Variants in ANKRD44 observed in about 807,000 individuals in gnomAD.
ANKRD44 encodes serine/threonine-protein phosphatase 6 regulatory ankyrin repeat subunit B.
ANKRD44 carries 35 observed loss-of-function variants against 116.0 expected under a neutral mutation model. The ratio of observed to expected loss-of-function variants is 0.30; its 90% CI spans 0.23 to 0.40. The LOEUF (loss-of-function observed/expected upper bound fraction) is 0.40. Ranked by LOEUF, ANKRD44 falls within the 10% of genes least tolerant of loss-of-function variation. The pLI is 1.00. For missense variants in ANKRD44, 1,014 were observed against 1,242.6 expected, an observed-to-expected ratio of 0.82 and a Z score of 2.77; for synonymous variants, 435 against 461.8, an observed-to-expected ratio of 0.94 and a Z score of 0.74.
intron 21 of ANKRD44, among the ~76,000 whole-genome samples, chr2:196,974,103 G>A (rs1376567159): frequency 1.3e-5 from 2 of 149,182 alleles, no homozygotes; most frequent in Admixed American, 6.6e-5. Context: ...TTTTTTTTGA[G>A]ACAGCCTCTT....
In ANKRD44 at chr2:197,285,424, G is replaced by A. The variant is rs1354991816; in HGVS notation, c.27+25154C>T. Among the ~76,000 whole-genome samples, 4 of 152,184 alleles carry A rather than the reference G, an allele frequency of 2.6e-5. No homozygotes were observed. In the East Asian group the frequency reaches 7.7e-4, roughly 29 times the overall value. ...GAGCAACTAGAGGAAACAGGTTCCA[G>A]GTGTGGGAAGCCATGGGTTAAAAGG... On this transcript the variant is annotated intron_variant, in intron 1 of 27. Coordinates refer to ENST00000282272, the MANE Select transcript of ANKRD44 (RefSeq NM_001195144.2).
chr2:197,230,105 T>A (rs1275509236), intron 1 of ANKRD44, among the ~76,000 whole-genome samples: 1 of 152,052 alleles, frequency 6.6e-6, no homozygotes, highest in Non-Finnish European at 1.5e-5. Context: ...CAACACGAGC[T>A]TTTTTCAGGG....
rs34720427 is a variant in ANKRD44, at chr2:197,147,428, T to TAA, written c.112-325_112-324dup. The stretch of plus-strand genomic sequence containing the variant: ...AGTATTTCCAAACCTTCAGGATGGT[T>TAA]AAAAAAAAAAAAAAAAAATCTAACC... On this transcript the variant is annotated intron_variant, in intron 2 of 27. Transcript: ENST00000282272. Among the ~76,000 whole-genome samples the TAA allele has an allele frequency of 2.1e-3, 295 of 142,916 alleles. 2 individuals are homozygous for TAA. Among genetic ancestry groups the TAA allele is most frequent in the African/African-American group, 6.9e-3 (266 of 38,358 alleles). The allele number at this position is 142,916 out of a possible 152,430, so 93.8% of individuals were successfully genotyped here. A position where few individuals can be genotyped will look rare whatever the true frequency, so the allele number is the denominator to read the frequency against.
At chr2:197,230,332 A>T (rs570818041) in intron 1 of ANKRD44, among the ~76,000 whole-genome samples, 2 of 152,192 alleles carry the variant, frequency 1.3e-5, no homozygotes, top group East Asian at 3.9e-4. Context: ...AACATTCAGG[A>T]ATCATTTTCT....
At chr2:197,254,331 C>A (rs2082390696) in intron 1 of ANKRD44, among the ~76,000 whole-genome samples, 1 of 152,046 alleles carries the variant, frequency 6.6e-6, no homozygotes, top group South Asian at 2.1e-4. Flanking sequence ...CTGCAGTGAG[C>A]TGAGAAAGCG....
rs189843231 is a variant in ANKRD44, at chr2:197,210,597, C to T, written c.28-23491G>A. On this transcript the variant is annotated intron_variant, in intron 1 of 27. Transcript: ENST00000282272. ...GCCTATCTGACTCTAACACCTTCTT[C>T]CAGAGATTAGGAAGGAAGCAAATTG... Among the ~76,000 whole-genome samples the T allele has an allele frequency of 3.0e-4, 45 of 152,282 alleles. 1 individual carries two copies. Among genetic ancestry groups the T allele is most frequent in the East Asian group, 2.7e-3 (14 of 5,186 alleles).
intron 9 of ANKRD44, among the ~76,000 whole-genome samples, chr2:197,100,591 T>G (rs1047669680): frequency 1.3e-5 from 2 of 152,228 alleles, no homozygotes; most frequent in Non-Finnish European, 2.9e-5. Flanking sequence ...CATGTTCAAT[T>G]TTAATTTTCC....
At chr2:197,133,241 C>T (rs1290844724) in intron 4 of ANKRD44, among the ~76,000 whole-genome samples, 1 of 152,220 alleles carries the variant, frequency 6.6e-6, no homozygotes, top group African/African-American at 2.4e-5. Flanking sequence ...TTCTGCAAGT[C>T]ACCCATGTCC....
intron 2 of ANKRD44, among the ~76,000 whole-genome samples, chr2:197,185,668 G>T (rs1434930116): frequency 4.6e-5 from 7 of 151,986 alleles, no homozygotes; most frequent in Non-Finnish European, 8.8e-5. Flanking sequence ...TTGTTTTTTT[G>T]TGTCAGGACC....
intron 24 of ANKRD44, 32 bp downstream of exon 24, chr2:196,998,875 A>C: frequency 6.2e-7 from 1 of 1,608,426 alleles, no homozygotes; most frequent in South Asian, 1.1e-5. Flanking sequence ...TTGCATGGGC[A>C]TAAGGGCAAA....
intron 1 of ANKRD44, among the ~76,000 whole-genome samples, chr2:197,234,958 A>G (rs1335617403): frequency 6.6e-6 from 1 of 152,226 alleles, no homozygotes; most frequent in East Asian, 1.9e-4. Context: ...GCTAGACTCA[A>G]TGCTAAGTCT....
At position 196,981,128 on chromosome 2, in the gene ANKRD44, C is replaced by T. The variant is rs922022634; in HGVS notation, c.2368+12455G>A. 5.3e-5 allele frequency among the ~76,000 whole-genome samples: 8 copies of T among 152,136 alleles called. No individual in the cohort carries two copies. The South Asian group carries it at 1.7e-3, about 31-fold the overall frequency. ...TTTGGGCACTCCACATCAAGATCAC[C>T]AACTCTGGGGCTACAATTCAATAAT... On this transcript the variant is annotated intron_variant, in intron 21 of 21. Transcript: ENST00000424317.
chr2:197,127,237 T>A (rs2078996841), intron 4 of ANKRD44, among the ~76,000 whole-genome samples: 1 of 152,214 alleles, frequency 6.6e-6, no homozygotes, highest in Non-Finnish European at 1.5e-5. Flanking sequence ...CAGTCAAGCA[T>A]CCTGACATAA....
At chr2:197,258,450 A>T (rs187757508) in intron 1 of ANKRD44, among the ~76,000 whole-genome samples, 168 of 152,006 alleles carry the variant, frequency 1.1e-3, no homozygotes, top group Non-Finnish European at 1.1e-3. Context: ...AGGCTGAATA[A>T]TATTCACATA....
chr2:196,988,354 T>G lies in ANKRD44; in HGVS notation c.*1237A>C, dbSNP rs763217605. 9 of 985,448 alleles carry G rather than the reference T, an allele frequency of 9.1e-6. No individual in the cohort carries two copies. The highest frequency in any genetic ancestry group is 1.1e-5 in the Non-Finnish European group (9 of 829,924). 61.0% of individuals were successfully genotyped at this position (985,448 alleles called of 1,614,324 possible). A position where few individuals can be genotyped will look rare whatever the true frequency, so the allele number is the denominator to read the frequency against. On this transcript the variant is annotated 3_prime_UTR_variant, in exon 28 of 28. Transcript: ENST00000282272. ...AAGGTCATTATTGCTCATTAGCAAT[T>G]TATCTGCTTTTTAAAAATTCATCTT...
intron 1 of ANKRD44, among the ~76,000 whole-genome samples, chr2:197,267,081 AATAAAG>A (rs2082761283): frequency 1.4e-5 from 2 of 144,682 alleles, no homozygotes; most frequent in Non-Finnish European, 3.1e-5. Flanking sequence ...GAATAAAGGG[AATAAAG>A]GTTTAGCCTG....
chr2:197,209,347 G>T (rs1280999037), intron 1 of ANKRD44, among the ~76,000 whole-genome samples: 1 of 152,182 alleles, frequency 6.6e-6, no homozygotes, highest in Non-Finnish European at 1.5e-5. Flanking sequence ...GAGTAAACCT[G>T]GCTTGAAAAC....
At chr2:197,107,132 C>A (rs575110460) in intron 9 of ANKRD44, among the ~76,000 whole-genome samples, 3 of 152,130 alleles carry the variant, frequency 2.0e-5, no homozygotes, top group Non-Finnish European at 4.4e-5. Flanking sequence ...AATTAGTATC[C>A]TCTAAGCATT....
At chr2:197,222,427 C>G (rs1182369501) in intron 1 of ANKRD44, among the ~76,000 whole-genome samples, 2 of 152,162 alleles carry the variant, frequency 1.3e-5, no homozygotes, top group African/African-American at 4.8e-5. Context: ...TTTATTTAAG[C>G]CTTCAGATCC....
Sources: gnomAD v4.1 joint callset for allele counts (sites outside exome capture counted in the v4.1 genomes callset) on GRCh38, gnomAD v4.1.1 for gene constraint, MANE v1.5 for transcripts, NCBI Gene and HGNC (gene_info 2026-07-23, HGNC 2026-07-21) for gene names.